C3orf33: variants seen among roughly 807,000 people sequenced by gnomAD.
The protein encoded by C3orf33 is mitochondrial inner membrane subdomain organizer 1, also known as AP-1 activity suppressor.
C3orf33 carries 23 observed loss-of-function variants against 28.7 expected under a neutral mutation model. The ratio of observed to expected loss-of-function variants is 0.80; its 90% confidence interval spans 0.58 to 1.13. C3orf33 has a LOEUF of 1.13. C3orf33 is among the 50% of genes most tolerant of loss of function. The pLI, the probability that C3orf33 is intolerant of heterozygous loss-of-function variation, is 0.00. For missense variants in C3orf33, 327 were observed against 353.4 expected, an observed-to-expected ratio of 0.93 and a Z score of 0.60; for synonymous variants, 119 against 120.5, an observed-to-expected ratio of 0.99 and a Z score of 0.08.
At chr3:155,794,506 A>T (rs73159024) in intron 2 of C3orf33, among the ~76,000 whole-genome samples, 7,055 of 152,022 alleles carry the variant, frequency 0.046, 297 homozygotes, top group African/African-American at 0.11. Flanking sequence ...GAAAAAAAAA[A>T]TTTTTTAATG....
chr3:155,774,649 G>A (rs112073988), intron 3 of C3orf33, among the ~76,000 whole-genome samples: 2,816 of 142,448 alleles, frequency 0.02, 80 homozygotes, highest in African/African-American at 0.069. Flanking sequence ...TTCTTAAAAC[G>A]TTATGATATT....
In C3orf33 at chr3:155,763,346, A is replaced by C. The variant is rs1422341833; in HGVS notation, c.*171T>G. The C allele has an allele frequency of 9.0e-6, 4 of 446,812 alleles. No homozygotes were observed. The highest frequency in any genetic ancestry group is 2.0e-5 in the African/African-American group (1 of 49,070). 27.7% of individuals were successfully genotyped at this position (446,812 alleles called of 1,614,324 possible). On this transcript the variant is annotated 3_prime_UTR_variant, in exon 5 of 5. Transcript: ENST00000340171. ...TATTACATTAATTATAATTTGTTTA[A>C]ATTAATTCTGACATTATGCTTATAA... is the stretch of plus-strand genomic sequence containing the variant.
chr3:155,803,305 C>A (rs1290578947), intron 1 of C3orf33, among the ~76,000 whole-genome samples: 1 of 152,112 alleles, frequency 6.6e-6, no homozygotes, highest in Admixed American at 6.6e-5. Flanking sequence ...GTGGCTCACA[C>A]CTGTAATCCC....
Position 155,767,508 on chromosome 3 carries a change from C to T in C3orf33, c.483+1G>A, listed in dbSNP as rs1249410001. The T allele has an allele frequency of 4.5e-6, 7 of 1,539,192 alleles. No homozygotes were observed. Among genetic ancestry groups the T allele is most frequent in the Non-Finnish European group, 6.2e-6 (7 of 1,134,724 alleles). ...GCTAGTTATTTCTTCACATTGCTTA[C>T]CTTACTCACCAGAAGATAGCAAAAG... On this transcript the variant is annotated splice_donor_variant, in intron 4 of 4. Coordinates refer to ENST00000340171, the MANE Select transcript of C3orf33 (RefSeq NM_001308229.2). LOFTEE classifies it high-confidence loss of function.
rs1468221667 is a variant in C3orf33, at chr3:155,781,954, T to C, written c.175-6106A>G. Among the ~76,000 whole-genome samples, 5 of 151,302 alleles carry C rather than the reference T, an allele frequency of 3.3e-5. No homozygotes were observed. In the East Asian group the frequency reaches 9.7e-4, roughly 29 times the overall value. Reference sequence around the variant, plus strand: ...AGCCGGGTGTGGTGGCATGTGCTTGTAGTCCCAGCTACTCAGGAGGCTGAG... The same window carrying C: ...AGCCGGGTGTGGTGGCATGTGCTTGCAGTCCCAGCTACTCAGGAGGCTGAG... On this transcript the variant is annotated intron_variant, in intron 2 of 4. Coordinates refer to ENST00000340171, the MANE Select transcript of C3orf33 (RefSeq NM_001308229.2).
rs3068987 is a variant in C3orf33 at position 155,787,347 on chromosome 3, CTTT to C, written c.175-11502_175-11500del. 6.6e-3 allele frequency among the ~76,000 whole-genome samples: 682 copies of C among 104,090 alleles called. 4 individuals are homozygous for C. Among genetic ancestry groups the C allele is most frequent in the African/African-American group, 0.018 (462 of 25,990 alleles). The allele number at this position is 104,090 out of a possible 152,430, so 68.3% of individuals were successfully genotyped here. Reference sequence around the variant, plus strand: ...CTGAGCAGCTGAGACCACAGGTATGCTTTTTTTTTTTTTTTTTTTGGAGACAGA... The same window carrying C: ...CTGAGCAGCTGAGACCACAGGTATGCTTTTTTTTTTTTTTTTGGAGACAGA... On this transcript the variant is annotated intron_variant, in intron 2 of 4. Transcript: ENST00000340171.
rs1236528213 is a variant in C3orf33 at position 155,763,601 on chromosome 3, T to C, written c.801A>G (p.Ile267Met). Residue 267 changes from isoleucine to methionine, a missense_variant, in exon 5 of 5, where the codon ATA becomes ATG. By Grantham distance (10) the Ile-to-Met change is conservative. Coordinates refer to ENST00000340171, the MANE Select transcript of C3orf33 (RefSeq NM_001308229.2). ...AGCAGTTGTTCATGTTGTCTTTCCA[T>C]ATTTCATAAGTCCTTTTAAGTTTTT... ...YYEKLKRTYE[I>M]WKDNMNNCSL... The C allele has an allele frequency of 3.1e-6, 5 of 1,587,478 alleles. No homozygotes were observed. Among genetic ancestry groups the C allele is most frequent in the Non-Finnish European group, 4.3e-6 (5 of 1,173,436 alleles).
intron 3 of C3orf33, among the ~76,000 whole-genome samples, chr3:155,770,313 G>A (rs931100727): frequency 6.6e-6 from 1 of 152,160 alleles, no homozygotes; most frequent in African/African-American, 2.4e-5. Flanking sequence ...AGCCCACCAG[G>A]CCAAGTGGGC....
chr3:155,798,355 A>G (rs529806264), intron 2 of C3orf33, among the ~76,000 whole-genome samples: 4 of 152,200 alleles, frequency 2.6e-5, no homozygotes, highest in South Asian at 2.1e-4. Flanking sequence ...GAACAATCAC[A>G]TTACTTGACT....
chr3:155,764,553 C>A (rs551871650), intron 4 of C3orf33, among the ~76,000 whole-genome samples: 3 of 151,160 alleles, frequency 2.0e-5, no homozygotes, highest in South Asian at 4.2e-4. Flanking sequence ...CATTAATTTA[C>A]GGTATAAAGG....
At chr3:155,788,723 CAAT>C (rs1751221289) in intron 2 of C3orf33, among the ~76,000 whole-genome samples, 1 of 151,570 alleles carries the variant, frequency 6.6e-6, no homozygotes, top group Admixed American at 6.6e-5. Flanking sequence ...ACATTATACT[CAAT>C]GATGAAAAAC....
At chr3:155,796,471 TCAA>T (rs1751478696) in intron 2 of C3orf33, among the ~76,000 whole-genome samples, 1 of 151,950 alleles carries the variant, frequency 6.6e-6, no homozygotes, top group South Asian at 2.1e-4. Context: ...CCTGAACAGA[TCAA>T]CAAGTAATGA....
At chr3:155,766,189 C>T (rs1750397664) in intron 4 of C3orf33, among the ~76,000 whole-genome samples, 1 of 152,098 alleles carries the variant, frequency 6.6e-6, no homozygotes, top group Non-Finnish European at 1.5e-5. Flanking sequence ...CGACTGTACC[C>T]TCATAATTAT....
chr3:155,801,431 T>C (rs1751646761), intron 2 of C3orf33, among the ~76,000 whole-genome samples: 1 of 152,158 alleles, frequency 6.6e-6, no homozygotes, highest in Non-Finnish European at 1.5e-5. Context: ...TGCATGTTCA[T>C]AGCAGCATTA....
Position 155,779,434 on chromosome 3 carries a change from A to G in C3orf33, c.175-3586T>C, listed in dbSNP as rs759778869. On this transcript the variant is annotated intron_variant, in intron 2 of 4. Transcript: ENST00000340171. ...TGCAGCCTCCTGAGTAGCTGGGATT[A>G]CAGGCATGTGTCACCACACCCAGCT... 7.0e-4 allele frequency among the ~76,000 whole-genome samples: 107 copies of G among 152,244 alleles called. 1 individual carries two copies. Among genetic ancestry groups the G allele is most frequent in the Admixed American group, 2.5e-3 (38 of 15,292 alleles).
chr3:155,804,801 G>A (rs1751763557), intron 1 of C3orf33, among the ~76,000 whole-genome samples: 1 of 152,136 alleles, frequency 6.6e-6, no homozygotes, highest in Non-Finnish European at 1.5e-5. Flanking sequence ...TAAGGTTTAT[G>A]CAGGTCATTC....
At chr3:155,790,220 C>T (rs1248165672) in intron 2 of C3orf33, among the ~76,000 whole-genome samples, 1 of 49,256 alleles carries the variant, frequency 2.0e-5, no homozygotes, top group African/African-American at 7.2e-5. Flanking sequence ...TATTCACATG[C>T]AAAAAAGAAA....
intron 4 of C3orf33, 81 bp from the exon 5 acceptor site, chr3:155,763,999 A>C: frequency 9.1e-7 from 1 of 1,104,006 alleles, no homozygotes; most frequent in Non-Finnish European, 1.2e-6. Flanking sequence ...CTTAAAAATC[A>C]GTCATTCAAC....
At chr3:155,793,912 C>T (rs866402624) in intron 2 of C3orf33, among the ~76,000 whole-genome samples, 4 of 150,450 alleles carry the variant, frequency 2.7e-5, no homozygotes, top group African/African-American at 9.7e-5. Context: ...GTTTAAAAGT[C>T]AGAGACAAAG....
Sources: allele counts gnomAD v4.1 joint callset (sites outside exome capture counted in the v4.1 genomes callset), GRCh38; gene constraint gnomAD v4.1.1; transcripts MANE v1.5; gene names NCBI Gene and HGNC (gene_info 2026-07-23, HGNC 2026-07-21).